FOXO1: variants seen among roughly 807,000 people sequenced by gnomAD.
FOXO1 encodes forkhead box O1, also known as forkhead box protein O1.
FOXO1 carries 6 observed loss-of-function variants against 44.1 expected under a neutral mutation model. The observed-to-expected ratio is 0.14, with a 90% confidence interval of 0.07 to 0.27. The LOEUF is 0.27. Ranked by LOEUF, FOXO1 falls within the 10% of genes least tolerant of loss-of-function variation. The pLI is 1.00. For synonymous variants in FOXO1, 380 were observed against 362.7 expected, an observed-to-expected ratio of 1.05 and a Z score of -0.54; for missense variants, 737 against 888.8, an observed-to-expected ratio of 0.83 and a Z score of 2.17.
intron 1 of FOXO1, among the ~76,000 whole-genome samples, chr13:40,611,390 A>C (rs1330658180): frequency 6.6e-6 from 1 of 152,250 alleles, no homozygotes; most frequent in Non-Finnish European, 1.5e-5. Context: ...AGGTACACAC[A>C]GTGTGTATTT....
At chr13:40,642,496 C>G (rs924369978) in intron 1 of FOXO1, among the ~76,000 whole-genome samples, 13 of 152,332 alleles carry the variant, frequency 8.5e-5, no homozygotes, top group African/African-American at 2.2e-4. Context: ...TCCAGACTAT[C>G]AGATGACAGA....
chr13:40,619,371 T>C (rs1443082315), intron 1 of FOXO1: 6 of 644,334 alleles, frequency 9.3e-6, no homozygotes, highest in Non-Finnish European at 1.7e-5. Context: ...CAAATGAATA[T>C]TCTCTTCTAG....
intron 1 of FOXO1, among the ~76,000 whole-genome samples, chr13:40,654,781 T>C (rs1877805285): frequency 6.6e-6 from 1 of 152,132 alleles, no homozygotes; most frequent in Non-Finnish European, 1.5e-5. Context: ...GAGGTGGTAC[T>C]GGCCTCTGAG....
intron 1 of FOXO1, among the ~76,000 whole-genome samples, chr13:40,635,837 G>A (rs908619706): frequency 6.6e-6 from 1 of 152,182 alleles, no homozygotes; most frequent in Admixed American, 6.5e-5. Flanking sequence ...CAGCCATCAG[G>A]ATGAGCTGTA....
Position 40,560,038 on chromosome 13 carries a change from C to G in FOXO1, c.1453G>C (p.Ala485Pro), listed in dbSNP as rs765624020. ...DIMTPVDPGV[A>P]QPNSRVLGQN... Reference sequence around the variant, plus strand: ...CCCAGAACCCGGCTGTTGGGCTGGGCTACCCCAGGATCAACTGGTGTCATA... The same window carrying G: ...CCCAGAACCCGGCTGTTGGGCTGGGGTACCCCAGGATCAACTGGTGTCATA... The change falls in exon 2 of 3, where the codon GCC becomes CCC. Residue 485 changes from alanine to proline, a missense_variant. Ala to Pro is a conservative substitution (Grantham distance 27). This residue lies in a region of FOXO1 where 283 missense variants were observed against 278.1 expected (regional missense o/e 1.02). Transcript: ENST00000379561. The surrounding 1 kb of genome is among the most constrained non-coding windows in gnomAD (Gnocchi z 5.1). The G allele has an allele frequency of 6.2e-7, 1 of 1,613,984 alleles. No individual in the cohort carries two copies. The highest frequency in any genetic ancestry group is 1.3e-5 in the African/African-American group (1 of 74,902).
At chr13:40,577,112 G>C (rs1272160288) in intron 1 of FOXO1, among the ~76,000 whole-genome samples, 2 of 152,182 alleles carry the variant, frequency 1.3e-5, no homozygotes, top group Non-Finnish European at 2.9e-5. Context: ...GTGGGGTACT[G>C]CAGGGGCATG....
In FOXO1 at chr13:40,570,311, A is replaced by G. The variant is rs560116882; in HGVS notation, c.631-9451T>C. On this transcript the variant is annotated intron_variant, in intron 1 of 2. Coordinates refer to ENST00000379561, the MANE Select transcript of FOXO1 (RefSeq NM_002015.4). The stretch of plus-strand genomic sequence containing the variant: ...GCAACAGAGCAAGACTCTGTCTCCA[A>G]AAAAAAAAATAAAATAAAATAAAAA... 4.0e-4 allele frequency among the ~76,000 whole-genome samples: 60 copies of G among 150,490 alleles called. 1 individual carries two copies. The highest frequency in any genetic ancestry group is 1.3e-3 in the African/African-American group (52 of 41,242).
At chr13:40,611,225 G>C (rs1193413351) in intron 1 of FOXO1, 1 of 310,088 alleles carries the variant, frequency 3.2e-6, no homozygotes, top group African/African-American at 2.3e-5. Flanking sequence ...ACGGCTTTTA[G>C]ATATGATTTA....
intron 1 of FOXO1, among the ~76,000 whole-genome samples, chr13:40,661,184 G>A (rs968871303): frequency 6.6e-6 from 1 of 152,056 alleles, no homozygotes; most frequent in Admixed American, 6.6e-5. Context: ...CCCTTAATAA[G>A]ATGCTACATT....
In FOXO1 at chr13:40,665,629, G is replaced by C; in HGVS notation, c.584C>G (p.Pro195Arg). ...QIYEWMVKSVPYFKDKGDSNS... is the reference protein window; with the variant it reads ...QIYEWMVKSVRYFKDKGDSNS... Reference sequence around the variant, plus strand: ...GCTGTCACCCTTATCCTTGAAGTAGGGCACGCTCTTGACCATCCACTCGTA... The same window carrying C: ...GCTGTCACCCTTATCCTTGAAGTAGCGCACGCTCTTGACCATCCACTCGTA... The change falls in exon 1 of 3, where the codon CCC becomes CGC. Residue 195 changes from proline to arginine, a missense_variant. Around this residue, in one of 7 missense-constraint regions of FOXO1, gnomAD observed 49 missense variants for 50.2 expected, o/e 0.98. Coordinates refer to ENST00000379561, the MANE Select transcript of FOXO1 (RefSeq NM_002015.4). The C allele has an allele frequency of 6.7e-7, 1 of 1,491,726 alleles. No homozygotes were observed. The highest frequency in any genetic ancestry group is 9.0e-7 in the Non-Finnish European group (1 of 1,110,244). 92.4% of individuals were successfully genotyped at this position (1,491,726 alleles called of 1,614,324 possible).
At chr13:40,638,558 A>C (rs1186651782) in intron 1 of FOXO1, among the ~76,000 whole-genome samples, 3 of 152,196 alleles carry the variant, frequency 2.0e-5, no homozygotes, top group Non-Finnish European at 4.4e-5. Context: ...CTAACTCACA[A>C]AAAGTTCCAA....
At chr13:40,606,310 TCTTTC>T (rs1186495423) in intron 1 of FOXO1, among the ~76,000 whole-genome samples, 1 of 152,116 alleles carries the variant, frequency 6.6e-6, no homozygotes, top group Non-Finnish European at 1.5e-5. Flanking sequence ...TCTTTTTCTT[TCTTTC>T]TTCTTTTCTT....
chr13:40,566,482 G>A (rs9532559), intron 1 of FOXO1, among the ~76,000 whole-genome samples: 23,046 of 151,568 alleles, frequency 0.15, 2,451 homozygotes, highest in Non-Finnish European at 0.23. Flanking sequence ...AGGTTCAAGC[G>A]ATTCTCCTGC....
rs1003365110 is a variant in FOXO1, at chr13:40,666,064, G to C, written c.149C>G (p.Ala50Gly). 3.8e-6 allele frequency: 5 copies of C among 1,320,920 alleles called. No homozygotes were observed. Among genetic ancestry groups the C allele is most frequent in the African/African-American group, 1.5e-5 (1 of 64,990 alleles). The allele number at this position is 1,320,920 out of a possible 1,614,324, so 81.8% of individuals were successfully genotyped here. A position where few individuals can be genotyped will look rare whatever the true frequency, so the allele number is the denominator to read the frequency against. Residue 50 changes from alanine (A) to glycine (G), a missense_variant, in exon 1 of 3, where the codon GCC becomes GGC. This residue lies in a region of FOXO1 where 213 missense variants were observed against 236.4 expected (regional missense o/e 0.90). Transcript: ENST00000379561. ...CAGGCCCGCCGCGGCGTCGGGGTTG[G>C]CAGCCGCGCTGCCCGACGGCGCCGG... ...SSPAPSGSAA[A>G]NPDAAAGLPS...
chr13:40,652,867 T>C (rs563945008), intron 1 of FOXO1, among the ~76,000 whole-genome samples: 1 of 152,354 alleles, frequency 6.6e-6, no homozygotes, highest in Admixed American at 6.5e-5. Flanking sequence ...TGTGGTTATT[T>C]TGCTTTCAAG....
At chr13:40,634,895 C>T (rs775251526) in intron 1 of FOXO1, among the ~76,000 whole-genome samples, 1 of 152,078 alleles carries the variant, frequency 6.6e-6, no homozygotes, top group African/African-American at 2.4e-5. Context: ...CCAGGCTGGT[C>T]TCGAACTCCT....
At chr13:40,632,786 T>C (rs1394255614) in intron 1 of FOXO1, among the ~76,000 whole-genome samples, 2 of 141,028 alleles carry the variant, frequency 1.4e-5, no homozygotes, top group Non-Finnish European at 3.1e-5. Context: ...CTACTAAAAA[T>C]AAAAAAAAAT....
Position 40,666,223 on chromosome 13 carries a change from G to T in FOXO1, c.-11C>A. On this transcript the variant is annotated 5_prime_UTR_variant, in exon 1 of 3. Coordinates refer to ENST00000379561, the MANE Select transcript of FOXO1 (RefSeq NM_002015.4). ...AGGCGCCTCGGCCATGGTGACCCCC[G>T]CCCCTCCCCCAGCCGCAGGAGAGCC... 7.1e-7 allele frequency: 1 copy of T among 1,400,272 alleles called. No individual in the cohort carries two copies. The allele number at this position is 1,400,272 out of a possible 1,614,324, so 86.7% of individuals were successfully genotyped here. A position where few individuals can be genotyped will look rare whatever the true frequency, so the allele number is the denominator to read the frequency against.
chr13:40,664,218 A>T (rs189687067), intron 1 of FOXO1, among the ~76,000 whole-genome samples: 66 of 152,212 alleles, frequency 4.3e-4, no homozygotes, highest in Non-Finnish European at 7.1e-4. Flanking sequence ...GGTTGCAGTG[A>T]GCCGAGATCG....
Sources: allele counts gnomAD v4.1 joint callset (sites outside exome capture counted in the v4.1 genomes callset), GRCh38; gene constraint gnomAD v4.1.1; regional missense constraint gnomAD v4.1.1; non-coding constraint Gnocchi (gnomAD v3.1); transcripts MANE v1.5; gene names NCBI Gene and HGNC (gene_info 2026-07-23, HGNC 2026-07-21).